CTNNA3: variants seen among roughly 807,000 people sequenced by gnomAD.
The protein encoded by CTNNA3 is catenin alpha 3.
CTNNA3 carries 76 observed loss-of-function variants against 95.7 expected under a neutral mutation model. The observed-to-expected ratio is 0.79, with a 90% confidence interval of 0.66 to 0.96. The LOEUF is 0.96. Among genes scored for constraint, CTNNA3 ranks in the 40% least tolerant of loss-of-function variants. The pLI is 0.00. For missense variants in CTNNA3, 1,191 were observed against 1,089.8 expected (o/e 1.09, Z -1.31); for synonymous variants, 431 against 374.4 (o/e 1.15, Z -1.74).
intron 10 of CTNNA3, among the ~76,000 whole-genome samples, chr10:66,613,671 T>C (rs1263092817): frequency 1.3e-5 from 2 of 152,072 alleles, no homozygotes; most frequent in African/African-American, 4.8e-5. Context: ...TTATAAGCTT[T>C]TTAAAAATAA....
intron 11 of CTNNA3, among the ~76,000 whole-genome samples, chr10:66,506,852 A>G (rs1840466391): frequency 6.6e-6 from 1 of 152,192 alleles, no homozygotes; most frequent in Non-Finnish European, 1.5e-5. Context: ...AGGTTGAAGA[A>G]TAATGTATAA....
chr10:67,200,530 T>C (rs1486210349), intron 6 of CTNNA3, among the ~76,000 whole-genome samples: 2 of 152,126 alleles, frequency 1.3e-5, no homozygotes, highest in East Asian at 3.9e-4. Context: ...TGGTAAATTG[T>C]AGCCTGCCTG....
At chr10:66,845,989 G>A (rs1192693676) in intron 7 of CTNNA3, among the ~76,000 whole-genome samples, 2 of 151,438 alleles carry the variant, frequency 1.3e-5, no homozygotes, top group East Asian at 2.0e-4. Flanking sequence ...AAATTTAGCC[G>A]GGCATGGTGG....
At chr10:67,679,844 T>C (rs919378159) in intron 1 of CTNNA3, among the ~76,000 whole-genome samples, 1 of 152,212 alleles carries the variant, frequency 6.6e-6, no homozygotes, top group East Asian at 1.9e-4. Context: ...CAAAATTTTA[T>C]ATGCACGAAT....
chr10:66,199,797 ATATATATATTTTTTT>A (rs1184349313), intron 13 of CTNNA3, among the ~76,000 whole-genome samples: 1 of 16,404 alleles, frequency 6.1e-5, no homozygotes, highest in African/African-American at 1.7e-4. Flanking sequence ...ATATATATAT[ATATATATATTTTTTT>A]TTTTTTTTTT....
chr10:66,445,336 C>T (rs543832596), intron 11 of CTNNA3, among the ~76,000 whole-genome samples: 5,601 of 152,134 alleles, frequency 0.037, 339 homozygotes, highest in African/African-American at 0.13. Flanking sequence ...TAGACATCTA[C>T]AGAACTCTCC....
intron 8 of CTNNA3, among the ~76,000 whole-genome samples, chr10:66,772,860 G>A (rs1378719120): frequency 6.6e-6 from 1 of 152,144 alleles, no homozygotes; most frequent in Non-Finnish European, 1.5e-5. Flanking sequence ...AGGAAGATGG[G>A]CTCTGCTTAT....
intron 13 of CTNNA3, among the ~76,000 whole-genome samples, chr10:66,119,682 T>C (rs10996914): frequency 0.18 from 27,385 of 152,084 alleles, 2,747 homozygotes; most frequent in South Asian, 0.38. Flanking sequence ...CAGTCATTCT[T>C]AGGTAAAAAG....
chr10:67,005,269 A>G (rs1301042645), intron 7 of CTNNA3, among the ~76,000 whole-genome samples: 3 of 152,086 alleles, frequency 2.0e-5, no homozygotes. Context: ...TCTGCCCCTT[A>G]CTAATTTTCA....
intron 7 of CTNNA3, among the ~76,000 whole-genome samples, chr10:67,006,301 G>C (rs1340260437): frequency 2.6e-5 from 4 of 152,096 alleles, no homozygotes; most frequent in Non-Finnish European, 5.9e-5. Flanking sequence ...GTGTGATAAA[G>C]AGGTATGCTT....
At chr10:66,006,767 G>A (rs2078895511) in intron 15 of CTNNA3, among the ~76,000 whole-genome samples, 1 of 151,978 alleles carries the variant, frequency 6.6e-6, no homozygotes, top group Admixed American at 6.6e-5. Flanking sequence ...ATATAATTTA[G>A]CCATTATTAG....
At chr10:66,564,450 C>A (rs567862880) in intron 10 of CTNNA3, among the ~76,000 whole-genome samples, 1 of 152,288 alleles carries the variant, frequency 6.6e-6, no homozygotes, top group East Asian at 1.9e-4. Context: ...GATTACAATT[C>A]TCTTCCCCTA....
chr10:66,848,507 A>C (rs1392559623), intron 7 of CTNNA3, among the ~76,000 whole-genome samples: 1 of 152,216 alleles, frequency 6.6e-6, no homozygotes, highest in African/African-American at 2.4e-5. Context: ...TCCACTTTGC[A>C]TTATTACCAA....
intron 5 of CTNNA3, among the ~76,000 whole-genome samples, chr10:67,353,793 G>A (rs988357904): frequency 6.6e-5 from 10 of 151,876 alleles, no homozygotes; most frequent in African/African-American, 1.5e-4. Context: ...GTGAGTGAAC[G>A]GATGAATGTA....
chr10:67,358,829 G>C (rs189958307), intron 5 of CTNNA3, among the ~76,000 whole-genome samples: 1 of 152,156 alleles, frequency 6.6e-6, no homozygotes, highest in African/African-American at 2.4e-5. Context: ...AGGAAATGCA[G>C]GCACTGCAAC....
At chr10:66,555,459 A>G (rs1198861596) in intron 10 of CTNNA3, among the ~76,000 whole-genome samples, 2 of 152,090 alleles carry the variant, frequency 1.3e-5, no homozygotes, top group Non-Finnish European at 2.9e-5. Flanking sequence ...CATACTTAAT[A>G]CTTAAAAATA....
chr10:66,718,410 T>C (rs1040343160), intron 9 of CTNNA3, among the ~76,000 whole-genome samples: 3 of 152,104 alleles, frequency 2.0e-5, no homozygotes, highest in African/African-American at 7.2e-5. Context: ...TTCTCCATTG[T>C]TAATTGACTA....
chr10:66,525,035 G>GCAAAACTCCATTTCAAATA lies in CTNNA3; in HGVS notation c.1375-4281_1375-4263dup, dbSNP rs1357039300. ...TTGTACTCCAGCCTGGGCAATAAGA[G>GCAAAACTCCATTTCAAATA]CAAAACTCCATTTCAAATAAAAAAA... On this transcript the variant is annotated intron_variant, in intron 10 of 17. Transcript: ENST00000433211. 2.0e-5 allele frequency among the ~76,000 whole-genome samples: 3 copies of GCAAAACTCCATTTCAAATA among 151,624 alleles called. No homozygotes were observed. The East Asian group carries it at 5.8e-4, about 30-fold the overall frequency.
intron 9 of CTNNA3, among the ~76,000 whole-genome samples, chr10:66,739,886 G>C (rs1440967067): frequency 6.6e-6 from 1 of 152,078 alleles, no homozygotes; most frequent in South Asian, 2.1e-4. Flanking sequence ...TGAGAGACTT[G>C]CTAAAGTTTA....
Sources: gnomAD v4.1 joint callset for allele counts (sites outside exome capture counted in the v4.1 genomes callset) on GRCh38, gnomAD v4.1.1 for gene constraint, MANE v1.5 for transcripts, NCBI Gene and HGNC (gene_info 2026-07-23, HGNC 2026-07-21) for gene names.